Variants in DCLRE1C observed in about 807,000 individuals in gnomAD.
DCLRE1C encodes DNA cross-link repair 1C, also known as protein artemis.
Under a neutral mutation model 61.4 loss-of-function variants are expected in DCLRE1C, and 47 were observed. The ratio of observed to expected loss-of-function variants is 0.77; its 90% CI spans 0.61 to 0.98. The LOEUF (loss-of-function observed/expected upper bound fraction) is 0.98. Among genes scored for constraint, DCLRE1C ranks in the 50% least tolerant of loss-of-function variants. The pLI is 0.00. For synonymous variants in DCLRE1C, 337 were observed against 287.6 expected, an observed-to-expected ratio of 1.17 and a Z score of -1.74; for missense variants, 858 against 816.0, an observed-to-expected ratio of 1.05 and a Z score of -0.63.
chr10:14,947,389 T>C (rs969261138), intron 2 of DCLRE1C: 1 of 152,178 alleles, frequency 6.6e-6, no homozygotes, highest in African/African-American at 2.4e-5. Context: ...GGGAAACCAT[T>C]CCCATTCTAC....
intron 13 of DCLRE1C, among the ~76,000 whole-genome samples, chr10:14,911,826 C>T (rs976797093): frequency 3.3e-5 from 5 of 152,104 alleles, no homozygotes; most frequent in South Asian, 2.1e-4. Context: ...ACATAAATGG[C>T]CAATAAGCAC....
intron 1 of DCLRE1C, among the ~76,000 whole-genome samples, chr10:14,953,218 GGTTGT>G (rs1478785716): frequency 4.6e-5 from 7 of 152,222 alleles, no homozygotes; most frequent in African/African-American, 1.4e-4. Context: ...AATGAACAAT[GGTTGT>G]CAAGTTAGCG....
chr10:14,954,030 T>G lies in DCLRE1C; in HGVS notation c.-20A>C, dbSNP rs1409589948. On this transcript the variant is annotated 5_prime_UTR_variant, in exon 1 of 14. Transcript: ENST00000378278. ...ACTCATAGCGCCGCCGATCCCAGAG[T>G]CCGGGACCCCAAAACCGCAGCTGAA... is the stretch of plus-strand genomic sequence containing the variant. The G allele has an allele frequency of 3.1e-6, 5 of 1,613,346 alleles. No individual in the cohort carries two copies. The Admixed American group carries it at 8.3e-5, about 27-fold the overall frequency.
rs748479870 is a variant in DCLRE1C, at chr10:14,909,346, A to AACAGGTTTATAG, written c.1157-28_1157-17dup. The AACAGGTTTATAG allele has an allele frequency of 6.2e-7, 1 of 1,611,208 alleles. No homozygotes were observed. The highest frequency in any genetic ancestry group is 1.3e-5 in the African/African-American group (1 of 74,890). On this transcript the variant is annotated splice_polypyrimidine_tract_variant and intron_variant, in intron 13 of 13. Coordinates refer to ENST00000378278, the MANE Select transcript of DCLRE1C (RefSeq NM_001033855.3). ...TCTTCCTCCTCTGTGGGACAAACAA[A>AACAGGTTTATAG]ACAGGTTTATAGGAAACAAGGCAAA...
intron 5 of DCLRE1C, 37 bp from the exon 6 acceptor site, chr10:14,935,601 C>T (rs779415418): frequency 2.2e-5 from 35 of 1,588,006 alleles, no homozygotes; most frequent in Non-Finnish European, 2.8e-5. Flanking sequence ...TTCTGAGTCT[C>T]ATATAAACTC....
chr10:14,903,128 T>TTG (rs1326378916), downstream of DCLRE1C: 2 of 152,242 alleles, frequency 1.3e-5, no homozygotes, highest in Non-Finnish European at 2.9e-5. Flanking sequence ...ATCTAGACTG[T>TTG]TGTGATGAGT....
At chr10:14,949,697 T>C (rs1433209939) in intron 1 of DCLRE1C, among the ~76,000 whole-genome samples, 2 of 152,248 alleles carry the variant, frequency 1.3e-5, no homozygotes, top group Admixed American at 6.5e-5. Context: ...CAATATATTC[T>C]GAATCTTTAG....
downstream of DCLRE1C, among the ~76,000 whole-genome samples, chr10:14,900,779 T>C (rs1448952527): frequency 6.6e-6 from 1 of 152,102 alleles, no homozygotes. Context: ...TATGCCTTAC[T>C]GAAATAGTTA....
intron 11 of DCLRE1C, among the ~76,000 whole-genome samples, chr10:14,925,891 T>G (rs768211799): frequency 1.6e-4 from 24 of 152,274 alleles, no homozygotes; most frequent in Non-Finnish European, 2.6e-4. Flanking sequence ...ATCATCCCCA[T>G]GTGTCGGAGG....
chr10:14,954,158 C>A, upstream of DCLRE1C: 1 of 1,397,776 alleles, frequency 7.2e-7, no homozygotes, highest in Non-Finnish European at 9.8e-7. Context: ...AGTCCGGAGA[C>A]CGGGGGCAAA....
downstream of DCLRE1C, among the ~76,000 whole-genome samples, chr10:14,899,979 A>G (rs1198145491): frequency 2.0e-5 from 3 of 152,226 alleles, no homozygotes; most frequent in South Asian, 4.1e-4. Context: ...TCATATTACA[A>G]TGAGCAGAGC....
intron 1 of DCLRE1C, among the ~76,000 whole-genome samples, chr10:14,952,158 A>C (rs1293034272): frequency 6.6e-6 from 1 of 152,220 alleles, no homozygotes; most frequent in African/African-American, 2.4e-5. Context: ...GCCATCCTAA[A>C]CACGAAGTGC....
intron 2 of DCLRE1C, among the ~76,000 whole-genome samples, chr10:14,947,254 A>C (rs1427204793): frequency 1.3e-5 from 2 of 152,026 alleles, no homozygotes; most frequent in Non-Finnish European, 2.9e-5. Flanking sequence ...AAACATGCCA[A>C]ATGGTTCTAG....
intron 13 of DCLRE1C, among the ~76,000 whole-genome samples, chr10:14,914,110 C>G (rs1835762498): frequency 6.6e-6 from 1 of 152,120 alleles, no homozygotes; most frequent in Non-Finnish European, 1.5e-5. Flanking sequence ...CCAGAAAATA[C>G]CAGGTTGGCC....
chr10:14,916,937 G>C (rs563723181), intron 13 of DCLRE1C, among the ~76,000 whole-genome samples: 1 of 152,160 alleles, frequency 6.6e-6, no homozygotes, highest in East Asian at 1.9e-4. Context: ...GAAATGCAGA[G>C]GACCTAGGAT....
chr10:14,942,189 C>T (rs1349010073), intron 3 of DCLRE1C: 3 of 152,462 alleles, frequency 2.0e-5, no homozygotes, highest in South Asian at 4.1e-4. Context: ...TGCAGCTCCT[C>T]CGAGTCCTGG....
intron 3 of DCLRE1C, among the ~76,000 whole-genome samples, chr10:14,941,202 G>A (rs1266983775): frequency 8.5e-5 from 13 of 152,222 alleles, no homozygotes; most frequent in African/African-American, 2.2e-4. Context: ...TCTATTTAAT[G>A]CTATCAATTT....
At chr10:14,920,428 G>A in intron 12 of DCLRE1C, 2 of 1,011,418 alleles carry the variant, frequency 2.0e-6, no homozygotes, top group Non-Finnish European at 2.4e-6. Context: ...CAGATTCCGG[G>A]AAGCCTTTAG....
chr10:14,945,691 C>T (rs964222227), intron 2 of DCLRE1C: 3 of 616,482 alleles, frequency 4.9e-6, no homozygotes, highest in Admixed American at 1.1e-4. Flanking sequence ...TGGAGTCTTG[C>T]TCTGTTACCC....
Sources: allele counts gnomAD v4.1 joint callset (sites outside exome capture counted in the v4.1 genomes callset), GRCh38; gene constraint gnomAD v4.1.1; transcripts MANE v1.5; gene names NCBI Gene and HGNC (gene_info 2026-07-23, HGNC 2026-07-21).